GRIK3: variants seen among roughly 807,000 people sequenced by gnomAD.
GRIK3 encodes the protein glutamate receptor ionotropic, kainate 3.
GRIK3 carries 29 observed loss-of-function variants against 102.5 expected under a neutral mutation model. The ratio of observed to expected loss-of-function variants is 0.28; its 90% CI spans 0.21 to 0.39. The LOEUF (loss-of-function observed/expected upper bound fraction) is 0.39, where lower values mean the gene tolerates loss of function less well. GRIK3 is among the 10% of genes least tolerant of loss of function. The pLI, the probability that GRIK3 is intolerant of heterozygous loss-of-function variation, is 1.00. For synonymous variants in GRIK3, 511 were observed against 504.9 expected (o/e 1.01, Z -0.16); for missense variants, 908 against 1,252.4 (o/e 0.73, Z 4.15).
chr1:36,831,613 C>T (rs571303502), intron 10 of GRIK3, among the ~76,000 whole-genome samples: 5 of 152,290 alleles, frequency 3.3e-5, no homozygotes, highest in East Asian at 1.9e-4. Context: ...TACAGTCATG[C>T]GTGATCTAGT....
At chr1:36,862,595 T>G (rs1640739882) in intron 5 of GRIK3, among the ~76,000 whole-genome samples, 1 of 152,146 alleles carries the variant, frequency 6.6e-6, no homozygotes, top group Non-Finnish European at 1.5e-5. Flanking sequence ...GCCTCTCGAA[T>G]CAGAGAAGGG....
intron 1 of GRIK3, among the ~76,000 whole-genome samples, chr1:36,942,829 A>G (rs1641742505): frequency 6.6e-6 from 1 of 152,102 alleles, no homozygotes; most frequent in Non-Finnish European, 1.5e-5. Flanking sequence ...AGGAGAACTG[A>G]GGTGAAGCTG....
At chr1:36,920,012 G>A (rs1293525663) in intron 1 of GRIK3, among the ~76,000 whole-genome samples, 3 of 152,246 alleles carry the variant, frequency 2.0e-5, no homozygotes, top group Admixed American at 1.3e-4. Context: ...AGCAAAGTGT[G>A]TGTCCCACCC....
chr1:36,913,468 G>T (rs1641368408), intron 1 of GRIK3, among the ~76,000 whole-genome samples: 1 of 152,212 alleles, frequency 6.6e-6, no homozygotes, highest in Admixed American at 6.5e-5. Flanking sequence ...TGCTATGCAG[G>T]TTAAATACTT....
intron 1 of GRIK3, among the ~76,000 whole-genome samples, chr1:36,934,246 C>T (rs1249482104): frequency 1.3e-5 from 2 of 152,166 alleles, no homozygotes; most frequent in African/African-American, 4.8e-5. Flanking sequence ...TCCTGGGCCT[C>T]CCTCCCTCTG....
chr1:36,869,825 G>A, intron 4 of GRIK3, 24 bp from the exon 5 acceptor site: 1 of 1,590,624 alleles, frequency 6.3e-7, no homozygotes. Context: ...GAGTGTTAGT[G>A]ATCAGCAGGG....
intron 1 of GRIK3, among the ~76,000 whole-genome samples, chr1:36,968,475 C>T (rs1642103776): frequency 6.6e-6 from 1 of 152,130 alleles, no homozygotes; most frequent in South Asian, 2.1e-4. Flanking sequence ...GGTGTTGATA[C>T]TCCCCCAAGA....
intron 2 of GRIK3, among the ~76,000 whole-genome samples, chr1:36,887,771 A>AATATATAT (rs71053957): frequency 9.4e-6 from 1 of 106,740 alleles, no homozygotes; most frequent in African/African-American, 3.8e-5. Flanking sequence ...AAAAAAAAAA[A>AATATATAT]ATATATATAT....
intron 1 of GRIK3, among the ~76,000 whole-genome samples, chr1:37,031,768 T>G (rs896880359): frequency 5.9e-5 from 9 of 152,338 alleles, no homozygotes; most frequent in African/African-American, 1.9e-4. Flanking sequence ...GTTTGGATTT[T>G]AGCATGAGAT....
chr1:36,960,547 G>A (rs1326914719), intron 1 of GRIK3, among the ~76,000 whole-genome samples: 1 of 152,190 alleles, frequency 6.6e-6, no homozygotes, highest in African/African-American at 2.4e-5. Flanking sequence ...GACCTGGGAT[G>A]GCTAAGCAAC....
intron 1 of GRIK3, among the ~76,000 whole-genome samples, chr1:37,033,582 A>C (rs1569592643): frequency 6.6e-6 from 1 of 152,046 alleles, no homozygotes; most frequent in Admixed American, 6.5e-5. Context: ...GCCCGCGGGG[A>C]GTGAGGTGGG....
At chr1:36,846,281 G>A (rs1020825202) in intron 9 of GRIK3, among the ~76,000 whole-genome samples, 5 of 152,164 alleles carry the variant, frequency 3.3e-5, no homozygotes, top group Non-Finnish European at 5.9e-5. Flanking sequence ...TGGCTCTGAG[G>A]GGCCAGAAAG....
intron 1 of GRIK3, among the ~76,000 whole-genome samples, chr1:36,996,719 G>C (rs1198390221): frequency 6.6e-6 from 1 of 152,196 alleles, no homozygotes; most frequent in Admixed American, 6.5e-5. Context: ...CGGTGTCTCT[G>C]TCTGTAGCTC....
chr1:36,841,681 C>T, intron 10 of GRIK3, 55 bp downstream of exon 10: 1 of 1,469,322 alleles, frequency 6.8e-7, no homozygotes, highest in Non-Finnish European at 9.5e-7. Flanking sequence ...GCAGACAGTT[C>T]TAGGCCAAGT....
chr1:37,028,972 T>C (rs1380699255), intron 1 of GRIK3, among the ~76,000 whole-genome samples: 1 of 152,258 alleles, frequency 6.6e-6, no homozygotes, highest in East Asian at 1.9e-4. Context: ...TGGCTAATAA[T>C]TGCACAATAA....
chr1:36,904,263 A>G (rs1361203075), intron 1 of GRIK3, among the ~76,000 whole-genome samples: 1 of 152,270 alleles, frequency 6.6e-6, no homozygotes, highest in East Asian at 1.9e-4. Flanking sequence ...GTGCATCCAC[A>G]CAGGTGTGCA....
chr1:36,860,292 C>T (rs1353507041), intron 5 of GRIK3, among the ~76,000 whole-genome samples: 1 of 152,174 alleles, frequency 6.6e-6, no homozygotes, highest in Non-Finnish European at 1.5e-5. Flanking sequence ...GTTCAATCCC[C>T]TTTCTAGGAC....
rs111515735 is a variant in GRIK3 at position 36,848,663 on chromosome 1, C to G, written c.1326+1648G>C. 1.1e-3 allele frequency among the ~76,000 whole-genome samples: 161 copies of G among 151,440 alleles called. 2 individuals are homozygous for G. The highest frequency in any genetic ancestry group is 3.4e-3 in the Middle Eastern group (1 of 292). On this transcript the variant is annotated intron_variant, in intron 9 of 15. Coordinates refer to ENST00000373091, the MANE Select transcript of GRIK3 (RefSeq NM_000831.4). ...CTTTTTATTTTGTTCTCTTTTTAAC[C>G]CTCCTTTATCTTTTCTATTTTTATC...
intron 7 of GRIK3, among the ~76,000 whole-genome samples, chr1:36,856,652 A>T (rs1327297525): frequency 6.6e-6 from 1 of 152,308 alleles, no homozygotes; most frequent in East Asian, 1.9e-4. Context: ...AGCCATGTCC[A>T]TGGATGTAAA....
Sources: allele counts gnomAD v4.1 joint callset (sites outside exome capture counted in the v4.1 genomes callset), GRCh38; gene constraint gnomAD v4.1.1; transcripts MANE v1.5; gene names NCBI Gene and HGNC (gene_info 2026-07-23, HGNC 2026-07-21).